Variants in MRTFB observed in about 807,000 individuals in gnomAD.
MRTFB encodes the protein myocardin related transcription factor B, also known as myocardin-related transcription factor B.
In MRTFB, 29 loss-of-function variants were observed where a neutral mutation model predicts 104.2. That is an observed-to-expected ratio of 0.28 (90% CI 0.21 to 0.38). The LOEUF (loss-of-function observed/expected upper bound fraction) is 0.38. Among genes scored for constraint, MRTFB ranks in the 10% least tolerant of loss-of-function variants. MRTFB has a pLI of 1.00. For missense variants in MRTFB, 1,270 were observed against 1,341.6 expected (o/e 0.95, Z 0.83); for synonymous variants, 535 against 519.5 (o/e 1.03, Z -0.41).
chr16:14,065,846 G>A, the MRTFB span, among the ~76,000 whole-genome samples: 1 of 152,020 alleles, frequency 6.6e-6, no homozygotes, highest in Non-Finnish European at 1.5e-5. Flanking sequence ...TCTCTAGAAT[G>A]CTCTCCCCTC....
Position 14,213,533 on chromosome 16 carries a change from T to G in MRTFB, c.277-12T>G, listed in dbSNP as rs779185417. ...TAAATGATTTATGGTAAGACTTTTT[T>G]TCTTTTTAAAGACTGAAAACTTTTT... On this transcript the variant is annotated splice_polypyrimidine_tract_variant and intron_variant, in intron 5 of 16. Coordinates refer to ENST00000571589, the MANE Select transcript of MRTFB (RefSeq NM_001308142.2). 3.2e-6 allele frequency: 5 copies of G among 1,578,530 alleles called. No individual in the cohort carries two copies. Among genetic ancestry groups the G allele is most frequent in the Non-Finnish European group, 4.3e-6 (5 of 1,163,028 alleles).
At chr16:14,154,682 A>G (rs1469828429) in intron 3 of MRTFB, among the ~76,000 whole-genome samples, 1 of 152,186 alleles carries the variant, frequency 6.6e-6, no homozygotes, top group Non-Finnish European at 1.5e-5. Flanking sequence ...AGGAGTCTGT[A>G]ATCAGAGTGT....
chr16:14,061,534 CTT>C, the MRTFB span, among the ~76,000 whole-genome samples: 2 of 72,902 alleles, frequency 2.7e-5, no homozygotes. Context: ...GATTTGAGGT[CTT>C]TTTTTTTTTT....
chr16:14,063,809 T>C, the MRTFB span, among the ~76,000 whole-genome samples: 1 of 152,334 alleles, frequency 6.6e-6, no homozygotes. Flanking sequence ...CATGATCTCA[T>C]TCTTTTTCAT....
chr16:14,042,564 T>C, the MRTFB span, among the ~76,000 whole-genome samples: 1 of 152,230 alleles, frequency 6.6e-6, no homozygotes, highest in Non-Finnish European at 1.5e-5. Context: ...GTTAAATCAG[T>C]TGTCCCAAAT....
the MRTFB span, among the ~76,000 whole-genome samples, chr16:14,064,898 T>C: frequency 6.6e-6 from 1 of 152,218 alleles, no homozygotes; most frequent in African/African-American, 2.4e-5. Context: ...ATGTGATGCC[T>C]TTGGCTTTGT....
chr16:14,115,146 T>C (rs2036478884), intron 2 of MRTFB, among the ~76,000 whole-genome samples: 1 of 152,202 alleles, frequency 6.6e-6, no homozygotes, highest in African/African-American at 2.4e-5. Flanking sequence ...TCAAGTCCTT[T>C]TCAGCACCAC....
chr16:14,003,668 C>CCCTCCCTCCCTT, the MRTFB span, among the ~76,000 whole-genome samples: 1 of 96,288 alleles, frequency 1.0e-5, no homozygotes, highest in African/African-American at 5.1e-5. Flanking sequence ...CTCCCTCCCT[C>CCCTCCCTCCCTT]CCTTCCTTCC....
At chr16:14,227,183 G>A (rs914792806) in intron 8 of MRTFB, among the ~76,000 whole-genome samples, 24 of 151,996 alleles carry the variant, frequency 1.6e-4, no homozygotes, top group African/African-American at 5.6e-4. Flanking sequence ...GGATGCATTC[G>A]GGTCATGGGG....
the MRTFB span, among the ~76,000 whole-genome samples, chr16:14,051,213 C>A: frequency 1.3e-5 from 2 of 151,968 alleles, no homozygotes; most frequent in Non-Finnish European, 2.9e-5. Flanking sequence ...CACAGACACA[C>A]AAAGACACAC....
chr16:14,166,221 T>C (rs537804751), intron 3 of MRTFB, among the ~76,000 whole-genome samples: 12 of 140,166 alleles, frequency 8.6e-5, no homozygotes, highest in African/African-American at 2.8e-4. Flanking sequence ...TCTTTTCTTT[T>C]TTTTTTTTTT....
In MRTFB at chr16:14,240,410, G is replaced by C. The variant is rs1597351067; in HGVS notation, c.1005G>C (p.Leu335=). The change falls in exon 10 of 17, where the codon CTG becomes CTC. Residue 335 remains leucine (L), a synonymous_variant. Coordinates refer to ENST00000571589, the MANE Select transcript of MRTFB (RefSeq NM_001308142.2). ...CCCGCCTGCTCCAGCAGCAGCAGCT[G>C]TTCCTGCAACTGCAGATCCTGAGTC... ...NYARLLQQQQ[L]FLQLQILSQQ... 1.9e-6 allele frequency: 3 copies of C among 1,614,122 alleles called. No individual in the cohort carries two copies. Among genetic ancestry groups the C allele is most frequent in the Non-Finnish European group, 2.5e-6 (3 of 1,180,046 alleles).
chr16:14,202,308 G>A (rs1317884191), intron 3 of MRTFB, among the ~76,000 whole-genome samples: 2 of 152,144 alleles, frequency 1.3e-5, no homozygotes, highest in Non-Finnish European at 2.9e-5. Context: ...ATGACTGAAG[G>A]TCTGAAGTAG....
chr16:14,131,375 G>A (rs1046112393), intron 2 of MRTFB, among the ~76,000 whole-genome samples: 6 of 152,150 alleles, frequency 3.9e-5, no homozygotes, highest in Non-Finnish European at 8.8e-5. Flanking sequence ...AGATGCAAAA[G>A]TTCATGGATG....
intron 8 of MRTFB, among the ~76,000 whole-genome samples, chr16:14,231,075 T>G (rs1004220805): frequency 6.7e-6 from 1 of 149,844 alleles, no homozygotes; most frequent in African/African-American, 2.5e-5. Flanking sequence ...TAGGTGGGAA[T>G]TGAACAATGA....
chr16:14,190,310 A>C (rs2040121913), intron 3 of MRTFB, among the ~76,000 whole-genome samples: 1 of 152,244 alleles, frequency 6.6e-6, no homozygotes. Context: ...AACGGCTTCA[A>C]ACATTCTCTG....
chr16:14,214,945 G>A (rs145033242), intron 6 of MRTFB: 5 of 152,166 alleles, frequency 3.3e-5, no homozygotes, highest in Non-Finnish European at 7.3e-5. Context: ...GACTAAAAAG[G>A]CTTTTCCAGA....
At chr16:14,137,860 G>A (rs528752931) in intron 2 of MRTFB, among the ~76,000 whole-genome samples, 62 of 152,004 alleles carry the variant, frequency 4.1e-4, no homozygotes, top group African/African-American at 1.3e-3. Flanking sequence ...CTTTTAATTA[G>A]AGCGTTGAGA....
the MRTFB span, among the ~76,000 whole-genome samples, chr16:14,055,654 G>T: frequency 1.3e-5 from 2 of 152,292 alleles, no homozygotes; most frequent in African/African-American, 4.8e-5. Context: ...TTTGGGAGAA[G>T]AATAATAGAG....
Sources: allele counts gnomAD v4.1 joint callset (sites outside exome capture counted in the v4.1 genomes callset), GRCh38; gene constraint gnomAD v4.1.1; transcripts MANE v1.5; gene names NCBI Gene and HGNC (gene_info 2026-07-23, HGNC 2026-07-21).